XPO6: variants seen among roughly 807,000 people sequenced by gnomAD.
The protein encoded by XPO6 is exportin-6.
Under a neutral mutation model 130.0 loss-of-function variants are expected in XPO6, and 3 were observed. The ratio of observed to expected loss-of-function variants is 0.02; its 90% CI spans 0.01 to 0.06. XPO6 has a LOEUF of 0.06. XPO6 is among the 10% of genes least tolerant of loss of function. The pLI is 1.00. For synonymous variants in XPO6, 524 were observed against 548.9 expected (o/e 0.95, Z 0.63); for missense variants, 970 against 1,393.0 (o/e 0.70, Z 4.83).
Position 28,133,826 on chromosome 16 carries a change from C to T in XPO6, c.1536+15G>A, listed in dbSNP as rs375037135. ...GAAATCGCTACACTCTCCACTCCCC[C>T]GGACAGCACATTACCAGTGTGGAGA... is the stretch of plus-strand genomic sequence containing the variant. On this transcript the variant is annotated intron_variant, in intron 11 of 23. Transcript: ENST00000304658. 55 of 1,613,508 alleles carry T rather than the reference C, an allele frequency of 3.4e-5. No homozygotes were observed. Among genetic ancestry groups the T allele is most frequent in the South Asian group, 1.3e-4 (12 of 91,014 alleles).
chr16:28,105,458 GA>G (rs1460052899), intron 20 of XPO6, among the ~76,000 whole-genome samples: 2 of 152,206 alleles, frequency 1.3e-5, no homozygotes, highest in African/African-American at 4.8e-5. Flanking sequence ...ATCCACAGAA[GA>G]AGCCTCATAG....
chr16:28,194,039 C>T (rs2043823115), intron 1 of XPO6, among the ~76,000 whole-genome samples: 1 of 152,102 alleles, frequency 6.6e-6, no homozygotes, highest in Admixed American at 6.6e-5. Flanking sequence ...TACTTATCTG[C>T]TTGCCCCTGA....
At chr16:28,129,977 A>G (rs1334141245) in intron 12 of XPO6, among the ~76,000 whole-genome samples, 1 of 152,370 alleles carries the variant, frequency 6.6e-6, no homozygotes, top group East Asian at 1.9e-4. Context: ...CTTAACCCAC[A>G]TAAGGTAGAA....
chr16:28,176,774 G>C (rs1252793028), intron 3 of XPO6, among the ~76,000 whole-genome samples: 2 of 151,670 alleles, frequency 1.3e-5, no homozygotes, highest in Non-Finnish European at 2.9e-5. Context: ...CTCCCAAAGT[G>C]CTGGGATTAC....
chr16:28,192,730 G>T (rs944893214), intron 1 of XPO6, among the ~76,000 whole-genome samples: 10 of 152,162 alleles, frequency 6.6e-5, no homozygotes, highest in South Asian at 2.1e-4. Context: ...GACAGGACCA[G>T]AAGAATGTGC....
chr16:28,102,085 C>T (rs1035201317), intron 21 of XPO6, 140 bp from the exon 22 acceptor site: 8 of 635,930 alleles, frequency 1.3e-5, no homozygotes, highest in South Asian at 3.9e-5. Context: ...ACCTCTACGA[C>T]GCTCCTCCTA....
intron 1 of XPO6, among the ~76,000 whole-genome samples, chr16:28,195,266 T>A (rs917092931): frequency 1.3e-5 from 2 of 152,150 alleles, no homozygotes; most frequent in African/African-American, 2.4e-5. Flanking sequence ...GATCTTCATG[T>A]CAATGCCGTT....
Position 28,101,139 on chromosome 16 carries a change from C to G in XPO6, c.3276+319G>C. ...TGCTGGCCCCACCGGGGCTCATCAC[C>G]CAGGAGGGAGAACGGCAGGGTCCTG... is the stretch of plus-strand genomic sequence containing the variant. On this transcript the variant is annotated intron_variant, in intron 23 of 23. Coordinates refer to ENST00000304658, the MANE Select transcript of XPO6 (RefSeq NM_015171.4). This position sits in a 1 kb window ranked among gnomAD's most constrained non-coding sequence, Gnocchi z 5.4. 1 of 427,370 alleles carries G rather than the reference C, an allele frequency of 2.3e-6. No individual in the cohort carries two copies. The highest frequency in any genetic ancestry group is 5.2e-5 in the East Asian group (1 of 19,370). 26.5% of individuals were successfully genotyped at this position (427,370 alleles called of 1,614,324 possible). A position where few individuals can be genotyped will look rare whatever the true frequency, so the allele number is the denominator to read the frequency against.
Position 28,107,674 on chromosome 16 carries a change from T to G in XPO6, c.2345A>C (p.Lys782Thr), listed in dbSNP as rs1467741078. Residue 782 changes from lysine to threonine, a missense_variant, in exon 18 of 24, where the codon AAA becomes ACA. Coordinates refer to ENST00000304658, the MANE Select transcript of XPO6 (RefSeq NM_015171.4). The stretch of plus-strand genomic sequence containing the variant: ...GCTGAGTGTCTGGTGGATAATCAGT[T>G]TGGCTGCAAATCAAGATGAGTTGCA... Reference protein sequence around the residue: ...PQRKMPLDDTKLIIHQTLSVL... With the variant: ...PQRKMPLDDTTLIIHQTLSVL... The G allele has an allele frequency of 6.2e-7, 1 of 1,613,386 alleles. No homozygotes were observed.
chr16:28,200,224 A>G (rs2043934083), intron 1 of XPO6, among the ~76,000 whole-genome samples: 1 of 152,074 alleles, frequency 6.6e-6, no homozygotes, highest in Non-Finnish European at 1.5e-5. Flanking sequence ...TTAGAAACCA[A>G]CGATTTTCCT....
chr16:28,119,166 C>T (rs902149495), intron 14 of XPO6, among the ~76,000 whole-genome samples: 1 of 151,990 alleles, frequency 6.6e-6, no homozygotes, highest in Non-Finnish European at 1.5e-5. Flanking sequence ...CAGGCATGCA[C>T]CACTATGTCC....
At chr16:28,098,810 G>A (rs1183978225) in intron 23 of XPO6, among the ~76,000 whole-genome samples, 171 bp from the exon 24 acceptor site, 4 of 152,142 alleles carry the variant, frequency 2.6e-5, no homozygotes, top group African/African-American at 7.2e-5. Context: ...TGTGCCAGGC[G>A]CTGTGGGAGA....
At chr16:28,149,006 C>T (rs1167731298) in intron 8 of XPO6, among the ~76,000 whole-genome samples, 1 of 149,264 alleles carries the variant, frequency 6.7e-6, no homozygotes, top group East Asian at 2.0e-4. Context: ...CGCACCATCG[C>T]ACTCCAGCGT....
intron 12 of XPO6, among the ~76,000 whole-genome samples, chr16:28,127,899 C>T (rs2042592930): frequency 6.6e-6 from 1 of 152,204 alleles, no homozygotes; most frequent in Non-Finnish European, 1.5e-5. Context: ...TCCACAAGGA[C>T]AGCAGTGCCC....
In XPO6 at chr16:28,104,948, A is replaced by G. The variant is rs543122920; in HGVS notation, c.2785-241T>C. ...ACACCGCGAGTTCTTCAGGAGAGACATGGCCCACATTTGAGAGAGAATGCA... is the reference window on the plus strand; with the variant it reads ...ACACCGCGAGTTCTTCAGGAGAGACGTGGCCCACATTTGAGAGAGAATGCA... On this transcript the variant is annotated intron_variant, in intron 20 of 23. Coordinates refer to ENST00000304658, the MANE Select transcript of XPO6 (RefSeq NM_015171.4). Among the ~76,000 whole-genome samples the G allele has an allele frequency of 7.9e-5, 12 of 152,380 alleles. 1 individual carries two copies. The South Asian group carries it at 1.2e-3, about 16-fold the overall frequency.
At chr16:28,111,244 A>G (rs890706567) in intron 17 of XPO6, 1 of 152,172 alleles carries the variant, frequency 6.6e-6, no homozygotes, top group African/African-American at 2.4e-5. Context: ...AGGAGCTCGT[A>G]TTTTTAAAAT....
Position 28,098,460 on chromosome 16 carries a change from T to A in XPO6, c.*78A>T. 1 of 1,319,784 alleles carries A rather than the reference T, an allele frequency of 7.6e-7. No homozygotes were observed. The allele number at this position is 1,319,784 out of a possible 1,614,324, so 81.8% of individuals were successfully genotyped here. A position where few individuals can be genotyped will look rare whatever the true frequency, so the allele number is the denominator to read the frequency against. Reference sequence around the variant, plus strand: ...CCAAGGAGTGTGACCAAGGCCCATCTGGGAGACATCTGTGGTGGAAGGTAG... The same window carrying A: ...CCAAGGAGTGTGACCAAGGCCCATCAGGGAGACATCTGTGGTGGAAGGTAG... On this transcript the variant is annotated 3_prime_UTR_variant, in exon 24 of 24. Coordinates refer to ENST00000304658, the MANE Select transcript of XPO6 (RefSeq NM_015171.4).
intron 15 of XPO6, among the ~76,000 whole-genome samples, chr16:28,116,167 G>A (rs1240661075): frequency 6.6e-6 from 1 of 152,158 alleles, no homozygotes; most frequent in African/African-American, 2.4e-5. Context: ...TTTGGCTCAA[G>A]AGCCTTTGGC....
chr16:28,204,742 C>A (rs1400618544), intron 1 of XPO6, among the ~76,000 whole-genome samples: 1 of 152,120 alleles, frequency 6.6e-6, no homozygotes, highest in African/African-American at 2.4e-5. Context: ...CAAGAACACA[C>A]CTTAGTGTCC....
Sources: allele counts gnomAD v4.1 joint callset (sites outside exome capture counted in the v4.1 genomes callset), GRCh38; gene constraint gnomAD v4.1.1; non-coding constraint Gnocchi (gnomAD v3.1); transcripts MANE v1.5; gene names NCBI Gene and HGNC (gene_info 2026-07-23, HGNC 2026-07-21).